NDRG3: variants seen among roughly 807,000 people sequenced by gnomAD.
NDRG3 encodes the protein NDRG family member 3.
NDRG3 carries 23 observed loss-of-function variants against 57.2 expected under a neutral mutation model. The observed-to-expected ratio is 0.40, with a 90% confidence interval of 0.29 to 0.57. The LOEUF (loss-of-function observed/expected upper bound fraction) is 0.57, where lower values mean the gene tolerates loss of function less well. NDRG3 is among the 20% of genes least tolerant of loss of function. NDRG3 has a pLI of 0.42. For synonymous variants in NDRG3, 132 were observed against 162.6 expected, an observed-to-expected ratio of 0.81 and a Z score of 1.43; for missense variants, 384 against 457.3, an observed-to-expected ratio of 0.84 and a Z score of 1.46.
At chr20:36,715,006 GTATATATATATATATA>G (rs545495779) in intron 2 of NDRG3, among the ~76,000 whole-genome samples, 343 of 26,700 alleles carry the variant, frequency 0.013, 7 homozygotes, top group African/African-American at 0.039. Context: ...GTGTGTGTGT[GTATATATATATATATA>G]TATATATATA....
chr20:36,653,540 T>C lies in NDRG3; in HGVS notation c.1108A>G (p.Thr370Ala), dbSNP rs1196854771. 6.2e-7 allele frequency: 1 copy of C among 1,614,096 alleles called. No homozygotes were observed. Among genetic ancestry groups the C allele is most frequent in the Admixed American group, 1.7e-5 (1 of 60,018 alleles). Residue 370 changes from threonine to alanine, a missense_variant, in exon 16 of 16, where the codon ACC becomes GCC. Coordinates refer to ENST00000349004, the MANE Select transcript of NDRG3 (RefSeq NM_032013.4). This position sits in a 1 kb window ranked among gnomAD's most constrained non-coding sequence, Gnocchi z 4.2. ...TCTGCTTAGCAGGACACCTCCATGG[T>C]CTGGTGTCTGTCCAGGACATCAGGG... ...ESPDVLDRHQ[T>A]MEVSC is the part of the protein sequence containing the mutation.
intron 6 of NDRG3, 138 bp from the exon 7 acceptor site, chr20:36,682,716 T>C (rs1981414382): frequency 1.4e-6 from 1 of 690,446 alleles, no homozygotes; most frequent in Non-Finnish European, 2.5e-6. Flanking sequence ...AGTGTTTTTT[T>C]TCTTTCCCCT....
intron 1 of NDRG3, among the ~76,000 whole-genome samples, chr20:36,744,968 G>GT (rs1491548824): frequency 6.4e-5 from 2 of 31,314 alleles, no homozygotes; most frequent in Non-Finnish European, 7.5e-5. Context: ...GCCAGGGTAA[G>GT]GGGGGGGGGG....
chr20:36,730,960 AAG>A (rs1985250674), intron 1 of NDRG3, among the ~76,000 whole-genome samples: 1 of 151,990 alleles, frequency 6.6e-6, no homozygotes, highest in East Asian at 1.9e-4. Context: ...AAAAGAAAGA[AAG>A]AAAAAAAGTA....
In NDRG3 at chr20:36,735,893, G is replaced by C. The variant is rs191198478; in HGVS notation, c.-49+10152C>G. On this transcript the variant is annotated intron_variant, in intron 1 of 15. Transcript: ENST00000349004. ...ATCCCAGCTCAGGAGGCTGAGGCTT[G>C]AACCCAGGGGGTGGAGGTTGCAGTG... 4.4e-3 allele frequency among the ~76,000 whole-genome samples: 654 copies of C among 149,118 alleles called. 2 individuals are homozygous for C. The highest frequency in any genetic ancestry group is 6.4e-3 in the Admixed American group (95 of 14,772).
intron 15 of NDRG3, among the ~76,000 whole-genome samples, chr20:36,654,182 T>A (rs1978452018): frequency 6.6e-6 from 1 of 152,142 alleles, no homozygotes; most frequent in Non-Finnish European, 1.5e-5. Context: ...AGGAGATTTG[T>A]AGGATGGTGC....
At chr20:36,703,149 T>C (rs1191970542) in intron 3 of NDRG3, among the ~76,000 whole-genome samples, 2 of 152,278 alleles carry the variant, frequency 1.3e-5, no homozygotes, top group African/African-American at 4.8e-5. Flanking sequence ...TAAGTGTTAT[T>C]TATCTAAAGC....
chr20:36,660,446 G>A, intron 12 of NDRG3, 62 bp from the exon 13 acceptor site: 1 of 1,261,018 alleles, frequency 7.9e-7, no homozygotes, highest in South Asian at 1.2e-5. Flanking sequence ...AAACGAAATA[G>A]CTCGGTATGA....
intron 2 of NDRG3, among the ~76,000 whole-genome samples, chr20:36,718,058 G>A (rs1248541566): frequency 6.6e-6 from 1 of 152,206 alleles, no homozygotes; most frequent in Non-Finnish European, 1.5e-5. Flanking sequence ...TTACTCACTG[G>A]CAATGTGGGA....
At chr20:36,684,048 G>A (rs112691985) in intron 6 of NDRG3, among the ~76,000 whole-genome samples, 2,679 of 152,216 alleles carry the variant, frequency 0.018, 88 homozygotes, top group African/African-American at 0.062. Flanking sequence ...AGGCTGGAGT[G>A]CAGGGGTGGG....
At chr20:36,654,195 G>A (rs1176829612) in intron 15 of NDRG3, among the ~76,000 whole-genome samples, 1 of 152,188 alleles carries the variant, frequency 6.6e-6, no homozygotes, top group Non-Finnish European at 1.5e-5. Flanking sequence ...GATGGTGCAG[G>A]TGAAGGGGAG....
chr20:36,678,278 A>G (rs1980934595), intron 8 of NDRG3, among the ~76,000 whole-genome samples: 1 of 152,168 alleles, frequency 6.6e-6, no homozygotes, highest in Non-Finnish European at 1.5e-5. Flanking sequence ...AATATTTTTT[A>G]AAGTGGGGAG....
In NDRG3 at chr20:36,687,451, A is replaced by G. The variant is rs371352668; in HGVS notation, c.320+41T>C. The G allele has an allele frequency of 9.6e-5, 154 of 1,604,310 alleles. No homozygotes were observed. The East Asian group carries it at 2.3e-3, about 24-fold the overall frequency. On this transcript the variant is annotated intron_variant, in intron 5 of 15. Transcript: ENST00000349004. The stretch of plus-strand genomic sequence containing the variant: ...CCACTGGAGCTCAGCCAGTTGCTCT[A>G]CTGAGTGCACGTCTCCCAGATGATC...
chr20:36,715,543 T>G (rs1276138080), intron 2 of NDRG3, among the ~76,000 whole-genome samples: 1 of 150,704 alleles, frequency 6.6e-6, no homozygotes, highest in Non-Finnish European at 1.5e-5. Flanking sequence ...TGGAGCTGGG[T>G]GCGGTAGCTC....
At chr20:36,705,472 T>C (rs1294099696) in intron 3 of NDRG3, among the ~76,000 whole-genome samples, 1 of 152,206 alleles carries the variant, frequency 6.6e-6, no homozygotes, top group African/African-American at 2.4e-5. Flanking sequence ...AATAGTTCTT[T>C]CTTCTGATGC....
chr20:36,678,387 T>A (rs1980943372), intron 8 of NDRG3, among the ~76,000 whole-genome samples: 3 of 152,084 alleles, frequency 2.0e-5, no homozygotes, highest in Admixed American at 2.0e-4. Flanking sequence ...AGATGCAAAT[T>A]AAAACCCAGG....
intron 3 of NDRG3, among the ~76,000 whole-genome samples, chr20:36,694,183 A>G (rs925623161): frequency 2.0e-5 from 3 of 152,132 alleles, no homozygotes; most frequent in African/African-American, 7.2e-5. Context: ...AGGGTGGCAA[A>G]GAAGGAAGAG....
At chr20:36,711,186 G>A in intron 2 of NDRG3, among the ~76,000 whole-genome samples, 1 of 150,262 alleles carries the variant, frequency 6.7e-6, no homozygotes, top group Admixed American at 6.6e-5. Flanking sequence ...CGAGGCTGAG[G>A]CAGAATGGTG....
At position 36,654,726 on chromosome 20, in the gene NDRG3, G is replaced by A. The variant is rs115057253; in HGVS notation, c.947-1025C>T. 3,903 of 775,990 alleles carry A rather than the reference G, an allele frequency of 5.0e-3. 97 individuals are homozygous for A. The African/African-American group carries it at 0.059, about 12-fold the overall frequency. 48.1% of individuals were successfully genotyped at this position (775,990 alleles called of 1,614,324 possible). A position where few individuals can be genotyped will look rare whatever the true frequency, so the allele number is the denominator to read the frequency against. ...CGGGCTCTCACTGCATAGGAAGACC[G>A]CGGACATGCTGCAGGCAGCCAGTGC... On this transcript the variant is annotated intron_variant, in intron 15 of 15. Coordinates refer to ENST00000349004, the MANE Select transcript of NDRG3 (RefSeq NM_032013.4).
Sources: allele counts gnomAD v4.1 joint callset (sites outside exome capture counted in the v4.1 genomes callset), GRCh38; gene constraint gnomAD v4.1.1; non-coding constraint Gnocchi (gnomAD v3.1); transcripts MANE v1.5; gene names NCBI Gene and HGNC (gene_info 2026-07-23, HGNC 2026-07-21).